The following MOB3B variants were observed in gnomAD, a reference collection of about 807,000 sequenced individuals.
MOB3B encodes MOB kinase activator-like 2B.
In MOB3B, 7 loss-of-function variants were observed where a neutral mutation model predicts 18.7. That is an observed-to-expected ratio of 0.37 (90% CI 0.21 to 0.70). The LOEUF is 0.70. Ranked by LOEUF, MOB3B falls within the 30% of genes least tolerant of loss-of-function variation. The pLI, the probability that MOB3B is intolerant of heterozygous loss-of-function variation, is 0.52. For missense variants in MOB3B, 253 were observed against 281.3 expected, an observed-to-expected ratio of 0.90 and a Z score of 0.72; for synonymous variants, 111 against 99.9, an observed-to-expected ratio of 1.11 and a Z score of -0.66.
intron 2 of MOB3B, among the ~76,000 whole-genome samples, chr9:27,444,309 A>G (rs1440136262): frequency 2.7e-5 from 4 of 149,700 alleles, no homozygotes; most frequent in African/African-American, 9.9e-5. Flanking sequence ...GGAAGAAAGG[A>G]AGGAAGAAAG....
At chr9:27,444,266 AGGAGGGAGGGAGGGAGGGAG>A (rs796111653) in intron 2 of MOB3B, among the ~76,000 whole-genome samples, 3 of 126,278 alleles carry the variant, frequency 2.4e-5, no homozygotes, top group Admixed American at 7.7e-5. Context: ...GAAGGAAGGA[AGGAGGGAGGGAGGGAGGGAG>A]GGAAGGAAGG....
At position 27,349,698 on chromosome 9, in the gene MOB3B, G is replaced by C. The variant is rs747279766; in HGVS notation, c.621+9336C>G. Among the ~76,000 whole-genome samples, 170 of 152,188 alleles carry C rather than the reference G, an allele frequency of 1.1e-3. 4 individuals are homozygous for C. Among genetic ancestry groups the C allele is most frequent in the Admixed American group, 2.6e-4 (4 of 15,280 alleles). On this transcript the variant is annotated intron_variant, in intron 3 of 3. Coordinates refer to ENST00000262244, the MANE Select transcript of MOB3B (RefSeq NM_024761.5). Reference sequence around the variant, plus strand: ...TGTCTCTGACCAACAGCTCCCCTAAGATACTGAGCAGCTTCCTGAGGTGGA... The same window carrying C: ...TGTCTCTGACCAACAGCTCCCCTAACATACTGAGCAGCTTCCTGAGGTGGA...
chr9:27,474,945 T>C (rs1339517266), intron 1 of MOB3B, among the ~76,000 whole-genome samples: 1 of 152,228 alleles, frequency 6.6e-6, no homozygotes, highest in Non-Finnish European at 1.5e-5. Context: ...TCCATGCTTT[T>C]GTATAATGCT....
At chr9:27,486,517 G>A (rs927950216) in intron 1 of MOB3B, among the ~76,000 whole-genome samples, 1 of 152,148 alleles carries the variant, frequency 6.6e-6, no homozygotes, top group Non-Finnish European at 1.5e-5. Flanking sequence ...ATGAACAGAC[G>A]CATAAGTGGA....
intron 1 of MOB3B, among the ~76,000 whole-genome samples, chr9:27,466,519 G>A (rs558986479): frequency 6.6e-6 from 1 of 152,046 alleles, no homozygotes; most frequent in Non-Finnish European, 1.5e-5. Context: ...TTTCAGCAAC[G>A]CCTCACTCTA....
At chr9:27,410,789 T>A (rs1274464926) in intron 2 of MOB3B, among the ~76,000 whole-genome samples, 1 of 152,206 alleles carries the variant, frequency 6.6e-6, no homozygotes, top group Non-Finnish European at 1.5e-5. Flanking sequence ...TAATGCTCAC[T>A]GTAGAAAATC....
rs1270521192 is a variant in MOB3B at position 27,455,430 on chromosome 9, C to A, written c.121G>T (p.Gly41Cys). Residue 41 changes from glycine (G) to cysteine (C), a missense_variant, in exon 2 of 4, where the codon GGT (glycine) becomes TGT (cysteine). By Grantham distance (159) the Gly-to-Cys change is radical. Transcript: ENST00000262244. Reference sequence around the variant, plus strand: ...TGCACAGCCGCCTTCAGGTCCACACCCGAGTTGAGGGATGCCTGAGCCCGT... The same window carrying A: ...TGCACAGCCGCCTTCAGGTCCACACACGAGTTGAGGGATGCCTGAGCCCGT... ...HKRAQASLNS[G>C]VDLKAAVQLP... is the part of the protein sequence containing the mutation. 6.2e-7 allele frequency: 1 copy of A among 1,614,210 alleles called. No homozygotes were observed. The highest frequency in any genetic ancestry group is 8.5e-7 in the Non-Finnish European group (1 of 1,180,038).
intron 3 of MOB3B, among the ~76,000 whole-genome samples, chr9:27,353,808 C>T (rs1274748640): frequency 6.6e-6 from 1 of 152,200 alleles, no homozygotes; most frequent in Non-Finnish European, 1.5e-5. Flanking sequence ...GCGGGCTATT[C>T]GTGCTTGCTA....
intron 2 of MOB3B, among the ~76,000 whole-genome samples, chr9:27,377,015 G>C (rs1003935488): frequency 3.3e-5 from 5 of 152,176 alleles, no homozygotes; most frequent in African/African-American, 1.2e-4. Context: ...CACGATCTTG[G>C]GCAAATGACT....
Position 27,327,874 on chromosome 9 carries a change from CA to C in MOB3B, c.*2712del. 6.6e-6 allele frequency: 1 copy of C among 152,138 alleles called. No individual in the cohort carries two copies. The highest frequency in any genetic ancestry group is 1.9e-4 in the East Asian group (1 of 5,174). The allele number at this position is 152,138 out of a possible 1,614,324, so 9.4% of individuals were successfully genotyped here. ...AATATGATGAAGTATTTTACATTTT[CA>C]TGATGTCTGCAACTTATTTTCAGAA... On this transcript the variant is annotated 3_prime_UTR_variant, in exon 4 of 4. Coordinates refer to ENST00000262244, the MANE Select transcript of MOB3B (RefSeq NM_024761.5).
At chr9:27,524,856 A>C (rs1363866511) in intron 1 of MOB3B, 1 of 1,614,044 alleles carries the variant, frequency 6.2e-7, no homozygotes, top group African/African-American at 1.3e-5. Context: ...CAATTTCCTG[A>C]AAGAAAAGAA....
intron 2 of MOB3B, among the ~76,000 whole-genome samples, chr9:27,365,492 TA>T (rs1016066084): frequency 6.6e-6 from 1 of 152,052 alleles, no homozygotes; most frequent in African/African-American, 2.4e-5. Flanking sequence ...GGTTTGGAGT[TA>T]GATTTTGACT....
rs572186409 is a variant in MOB3B at position 27,378,302 on chromosome 9, C to T, written c.419-19066G>A. On this transcript the variant is annotated intron_variant, in intron 2 of 3. Transcript: ENST00000262244. The stretch of plus-strand genomic sequence containing the variant: ...ATCTCAGCTGGGGAGGGAATGAGGT[C>T]ATAAGGATGGATGCTGCATCTGGAC... The T allele has an allele frequency of 1.2e-4, 54 of 467,630 alleles. 1 individual carries two copies. Among genetic ancestry groups the T allele is most frequent in the African/African-American group, 9.2e-4 (46 of 50,124 alleles). 29.0% of individuals were successfully genotyped at this position (467,630 alleles called of 1,614,324 possible).
intron 2 of MOB3B, chr9:27,378,269 G>A (rs1587167029): frequency 6.7e-6 from 3 of 449,116 alleles, no homozygotes; most frequent in East Asian, 7.1e-5. Flanking sequence ...GTGTGTGACT[G>A]AGAATGAATC....
At chr9:27,475,654 A>C (rs7855032) in intron 1 of MOB3B, among the ~76,000 whole-genome samples, 144,951 of 152,320 alleles carry the variant, frequency 0.95, 69,331 homozygotes, top group East Asian at 1. Context: ...ACTTTTAAAA[A>C]ATGGCAGATA....
intron 1 of MOB3B, among the ~76,000 whole-genome samples, chr9:27,500,518 A>G (rs1819973933): frequency 1.3e-5 from 2 of 152,208 alleles, no homozygotes; most frequent in South Asian, 4.1e-4. Flanking sequence ...TATTTAATAA[A>G]TGGTACTGGG....
intron 2 of MOB3B, among the ~76,000 whole-genome samples, chr9:27,363,075 A>G (rs1171835474): frequency 6.6e-6 from 1 of 152,190 alleles, no homozygotes; most frequent in African/African-American, 2.4e-5. Flanking sequence ...GGCTCCAGAG[A>G]GCCAGTTCAT....
At position 27,329,255 on chromosome 9, in the gene MOB3B, G is replaced by A. The variant is rs1481765001; in HGVS notation, c.*1332C>T. 3.9e-5 allele frequency: 6 copies of A among 151,946 alleles called. No individual in the cohort carries two copies. Among genetic ancestry groups the A allele is most frequent in the Admixed American group, 1.3e-4 (2 of 15,252 alleles). 9.4% of individuals were successfully genotyped at this position (151,946 alleles called of 1,614,324 possible). On this transcript the variant is annotated 3_prime_UTR_variant, in exon 4 of 4. Transcript: ENST00000262244. Reference sequence around the variant, plus strand: ...CACTGGAAGTATTATGACCCCCCTCGTCACAGGTGGTCAGAACCACCACAG... The same window carrying A: ...CACTGGAAGTATTATGACCCCCCTCATCACAGGTGGTCAGAACCACCACAG...
At chr9:27,415,868 G>A (rs564962918) in intron 2 of MOB3B, among the ~76,000 whole-genome samples, 28 of 152,176 alleles carry the variant, frequency 1.8e-4, no homozygotes, top group Non-Finnish European at 3.7e-4. Flanking sequence ...TGCAATACGA[G>A]TGGATTTTAT....
Sources: gnomAD v4.1 joint callset for allele counts (sites outside exome capture counted in the v4.1 genomes callset) on GRCh38, gnomAD v4.1.1 for gene constraint, MANE v1.5 for transcripts, NCBI Gene and HGNC (gene_info 2026-07-23, HGNC 2026-07-21) for gene names.